Variants in POLN observed in about 807,000 individuals in gnomAD.
POLN encodes DNA polymerase nu.
Under a neutral mutation model 113.5 loss-of-function variants are expected in POLN, and 108 were observed. The observed-to-expected ratio is 0.95, with a 90% CI of 0.81 to 1.12. The LOEUF is 1.12. Among genes scored for constraint, POLN ranks in the 50% most tolerant of loss-of-function variants. The probability of loss-of-function intolerance (pLI) is 0.00; values close to 1 mark genes in which losing one functional copy is unlikely to be tolerated. For missense variants in POLN, 1,097 were observed against 1,077.1 expected (o/e 1.02, Z -0.26); for synonymous variants, 386 against 391.5 (o/e 0.99, Z 0.17).
intron 19 of POLN, among the ~76,000 whole-genome samples, chr4:2,118,673 C>G (rs866202368): frequency 6.6e-6 from 1 of 152,340 alleles, no homozygotes; most frequent in Middle Eastern, 3.4e-3. Flanking sequence ...GAAGCCAGTG[C>G]CACACATTTC....
chr4:2,154,478 G>A (rs758009612), intron 16 of POLN, among the ~76,000 whole-genome samples: 1 of 152,136 alleles, frequency 6.6e-6, no homozygotes, highest in Non-Finnish European at 1.5e-5. Flanking sequence ...GAAAAAATGA[G>A]TCAGGAAAGT....
chr4:2,124,433 G>A (rs914275975), intron 19 of POLN, among the ~76,000 whole-genome samples: 9 of 151,902 alleles, frequency 5.9e-5, no homozygotes, highest in African/African-American at 2.2e-4. Context: ...CACCTCATCC[G>A]GCTAATTTAA....
At chr4:2,202,958 A>G (rs986725374) in intron 5 of POLN, among the ~76,000 whole-genome samples, 1 of 152,168 alleles carries the variant, frequency 6.6e-6, no homozygotes, top group Non-Finnish European at 1.5e-5. Context: ...GAAAGTCAAC[A>G]AAGAAACAAT....
chr4:2,116,096 C>A (rs1474113735), intron 19 of POLN, among the ~76,000 whole-genome samples: 1 of 152,170 alleles, frequency 6.6e-6, no homozygotes, highest in Non-Finnish European at 1.5e-5. Context: ...CAGCTCTTTG[C>A]AGCTGAAGGT....
intron 19 of POLN, among the ~76,000 whole-genome samples, chr4:2,099,719 G>A (rs1040602377): frequency 3.9e-5 from 6 of 152,178 alleles, no homozygotes; most frequent in African/African-American, 1.4e-4. Flanking sequence ...CATTCATTGT[G>A]ACAAATGTAC....
At chr4:2,223,139 G>T (rs1310122276) in intron 3 of POLN, among the ~76,000 whole-genome samples, 1 of 152,180 alleles carries the variant, frequency 6.6e-6, no homozygotes, top group Non-Finnish European at 1.5e-5. Flanking sequence ...GAGGGGGGTT[G>T]GGTTGGCACA....
rs191287345 is a variant in POLN at position 2,095,055 on chromosome 4, G to A, written c.2065+796C>T. ...CTGGCTGGGGAAACTAGGCCATGCT[G>A]ATTCAGCATGACCCAGGGCCAGAAA... is the stretch of plus-strand genomic sequence containing the variant. On this transcript the variant is annotated intron_variant, in intron 20 of 25. Transcript: ENST00000511885. 2.0e-5 allele frequency among the ~76,000 whole-genome samples: 3 copies of A among 152,242 alleles called. No homozygotes were observed. The East Asian group carries it at 5.8e-4, about 29-fold the overall frequency.
At chr4:2,138,590 C>T (rs1278098909) in intron 16 of POLN, among the ~76,000 whole-genome samples, 1 of 152,114 alleles carries the variant, frequency 6.6e-6, no homozygotes, top group Admixed American at 6.5e-5. Context: ...AGAGGAGAAG[C>T]CAAAGATCTG....
chr4:2,233,991 A>G (rs1316442551), intron 2 of POLN, among the ~76,000 whole-genome samples: 1 of 152,210 alleles, frequency 6.6e-6, no homozygotes, highest in Non-Finnish European at 1.5e-5. Context: ...ATCCAGATGA[A>G]AGTATCCAAC....
chr4:2,213,866 T>G (rs1734051548), intron 3 of POLN, among the ~76,000 whole-genome samples: 1 of 152,200 alleles, frequency 6.6e-6, no homozygotes, highest in Non-Finnish European at 1.5e-5. Flanking sequence ...CTTCTAAATT[T>G]AAGGCAATTC....
intron 16 of POLN, among the ~76,000 whole-genome samples, chr4:2,135,906 C>G (rs1187757306): frequency 6.6e-6 from 1 of 152,218 alleles, no homozygotes; most frequent in Admixed American, 6.5e-5. Context: ...CAGGCATCCT[C>G]TACTGGGAGG....
chr4:2,158,396 T>C (rs1732492960), intron 14 of POLN, among the ~76,000 whole-genome samples: 1 of 152,004 alleles, frequency 6.6e-6, no homozygotes, highest in Admixed American at 6.5e-5. Flanking sequence ...CAGAGAAAGA[T>C]GTCATTCCAC....
intron 7 of POLN, 33 bp from the exon 8 acceptor site, chr4:2,179,498 G>GA (rs1243243982): frequency 1.2e-6 from 2 of 1,600,888 alleles, no homozygotes; most frequent in Admixed American, 3.5e-5. Context: ...GTCATCCCAA[G>GA]AAAAACCAAT....
Position 2,127,946 on chromosome 4 carries a change from A to T in POLN, c.1982+167T>A, listed in dbSNP as rs146323315. On this transcript the variant is annotated intron_variant, in intron 19 of 25. Coordinates refer to ENST00000511885, the MANE Select transcript of POLN (RefSeq NM_181808.4). This position sits in a 1 kb window ranked among gnomAD's most constrained non-coding sequence, Gnocchi z 4.7. ...ACCATCACTTCCTTCACAATTAGGT[A>T]ACTCATGGCATCCTAGTTATCTACT... Among the ~76,000 whole-genome samples the T allele has an allele frequency of 5.9e-5, 9 of 152,340 alleles. No individual in the cohort carries two copies. The highest frequency in any genetic ancestry group is 2.2e-4 in the African/African-American group (9 of 41,580).
At chr4:2,105,450 T>TA (rs1185465260) in intron 19 of POLN, among the ~76,000 whole-genome samples, 1 of 152,132 alleles carries the variant, frequency 6.6e-6, no homozygotes, top group Non-Finnish European at 1.5e-5. Flanking sequence ...CTCTGCTCCC[T>TA]ACCAAGAACC....
chr4:2,100,156 G>C (rs1730890049), intron 19 of POLN, among the ~76,000 whole-genome samples: 1 of 151,790 alleles, frequency 6.6e-6, no homozygotes, highest in Non-Finnish European at 1.5e-5. Context: ...GGTATGACTT[G>C]ATTTTAAGTC....
rs34205882 is a variant in POLN at position 2,159,270 on chromosome 4, T to C, written c.1555-59A>G. On this transcript the variant is annotated intron_variant, in intron 13 of 25. Coordinates refer to ENST00000511885, the MANE Select transcript of POLN (RefSeq NM_181808.4). ...CGTCCATTTTAACATTTTAAACACG[T>C]ATTTTCATCTGGAGAAAGTCCTCAT... The C allele has an allele frequency of 3.4e-3, 4,603 of 1,351,154 alleles. 13 individuals are homozygous for C. Among genetic ancestry groups the C allele is most frequent in the Middle Eastern group, 0.028 (143 of 5,146 alleles). The allele number at this position is 1,351,154 out of a possible 1,614,324, so 83.7% of individuals were successfully genotyped here.
At chr4:2,172,645 A>G (rs1732892155) in intron 11 of POLN, among the ~76,000 whole-genome samples, 1 of 152,180 alleles carries the variant, frequency 6.6e-6, no homozygotes, top group Admixed American at 6.5e-5. Context: ...TTATAGCCTC[A>G]CCAAAATGGC....
At chr4:2,206,222 T>C (rs769311878) in intron 5 of POLN, among the ~76,000 whole-genome samples, 6 of 152,282 alleles carry the variant, frequency 3.9e-5, no homozygotes, top group African/African-American at 7.2e-5. Flanking sequence ...TGGATCCTCA[T>C]CTCTCACCTT....
Sources: gnomAD v4.1 joint callset for allele counts (sites outside exome capture counted in the v4.1 genomes callset) on GRCh38, gnomAD v4.1.1 for gene constraint, Gnocchi (gnomAD v3.1) non-coding constraint, MANE v1.5 for transcripts, NCBI Gene and HGNC (gene_info 2026-07-23, HGNC 2026-07-21) for gene names.